The following ARSG variants were observed in gnomAD, a reference collection of about 807,000 sequenced individuals.
ARSG encodes the protein ASG.
ARSG carries 37 observed loss-of-function variants against 50.5 expected under a neutral mutation model. The observed-to-expected ratio is 0.73, with a 90% CI of 0.56 to 0.96. ARSG has a LOEUF of 0.96. Ranked by LOEUF, ARSG falls within the 50% of genes least tolerant of loss-of-function variation. The probability of loss-of-function intolerance (pLI) is 0.00; values close to 1 mark genes in which losing one functional copy is unlikely to be tolerated. For synonymous variants in ARSG, 225 were observed against 254.6 expected (o/e 0.88, Z 1.11); for missense variants, 629 against 675.3 (o/e 0.93, Z 0.76).
chr17:68,415,335 G>T (rs1054286397), intron 11 of ARSG, among the ~76,000 whole-genome samples: 6 of 152,132 alleles, frequency 3.9e-5, no homozygotes, highest in African/African-American at 7.2e-5. Flanking sequence ...GGTTCTGAAG[G>T]TTCCTTTGGA....
intron 5 of ARSG, among the ~76,000 whole-genome samples, chr17:68,354,039 T>TTTTA (rs1555779991): frequency 1.4e-5 from 2 of 144,526 alleles, no homozygotes; most frequent in African/African-American, 5.1e-5. Context: ...TTTTTTTTTT[T>TTTTA]ATTTCAATCC....
intron 1 of ARSG, among the ~76,000 whole-genome samples, chr17:68,275,059 C>T (rs1026203175): frequency 2.0e-5 from 3 of 152,272 alleles, no homozygotes; most frequent in Middle Eastern, 3.4e-3. Context: ...GGATTACAGG[C>T]GTGAGCCACC....
intron 2 of ARSG, among the ~76,000 whole-genome samples, chr17:68,309,282 C>T (rs1013843570): frequency 2.0e-5 from 3 of 152,256 alleles, no homozygotes; most frequent in Admixed American, 6.5e-5. Flanking sequence ...AGTTCCCGCT[C>T]GCGCCTCTCC....
intron 2 of ARSG, among the ~76,000 whole-genome samples, chr17:68,324,490 C>T (rs554989648): frequency 2.6e-5 from 4 of 152,164 alleles, no homozygotes; most frequent in African/African-American, 7.2e-5. Context: ...CCTTCCCTCG[C>T]GTGGCTGTAG....
At chr17:68,284,583 A>G (rs1363333984) in intron 1 of ARSG, among the ~76,000 whole-genome samples, 1 of 152,184 alleles carries the variant, frequency 6.6e-6, no homozygotes, top group Non-Finnish European at 1.5e-5. Context: ...GAAAAATAAC[A>G]GGACACAACC....
chr17:68,281,788 A>G (rs2075703998), intron 1 of ARSG, among the ~76,000 whole-genome samples: 1 of 152,204 alleles, frequency 6.6e-6, no homozygotes, highest in South Asian at 2.1e-4. Flanking sequence ...GGATGCGGAG[A>G]AAAGAACTCT....
intron 10 of ARSG, among the ~76,000 whole-genome samples, chr17:68,396,506 A>G (rs1008749047): frequency 1.3e-5 from 2 of 152,188 alleles, no homozygotes; most frequent in African/African-American, 4.8e-5. Flanking sequence ...AAGAGGAAGC[A>G]GGAGGAGGCA....
chr17:68,394,313 G>A (rs954706573), intron 9 of ARSG, among the ~76,000 whole-genome samples: 17 of 152,092 alleles, frequency 1.1e-4, no homozygotes, highest in African/African-American at 1.7e-4. Flanking sequence ...GAACAGAAAC[G>A]TGTTCTGATC....
chr17:68,329,442 G>A (rs1419420143), intron 2 of ARSG, among the ~76,000 whole-genome samples: 1 of 152,208 alleles, frequency 6.6e-6, no homozygotes, highest in East Asian at 1.9e-4. Context: ...ACATTGTGCT[G>A]TAAGGGGACT....
chr17:68,341,124 T>G (rs1488965929), intron 2 of ARSG, among the ~76,000 whole-genome samples: 3 of 152,210 alleles, frequency 2.0e-5, no homozygotes, highest in Admixed American at 2.0e-4. Flanking sequence ...TCTTTGTCCT[T>G]AGATTATATC....
chr17:68,304,258 T>C (rs531816554), intron 1 of ARSG, among the ~76,000 whole-genome samples: 9 of 152,348 alleles, frequency 5.9e-5, no homozygotes, highest in African/African-American at 1.2e-4. Context: ...CACAGGTGTT[T>C]GTTAACCACC....
chr17:68,286,232 T>G (rs1441641392), intron 1 of ARSG, among the ~76,000 whole-genome samples: 1 of 152,194 alleles, frequency 6.6e-6, no homozygotes, highest in Non-Finnish European at 1.5e-5. Flanking sequence ...CTTTCCTCTC[T>G]TCCCTTGCCT....
At position 68,378,048 on chromosome 17, in the gene ARSG, T is replaced by C. The variant is rs2080238677; in HGVS notation, c.983-7016T>C. Reference sequence around the variant, plus strand: ...AACTAACTATTCCACAGCCTCCTTCTTCCTCTCTGCCTGGAATGCTGCTGG... The same window carrying C: ...AACTAACTATTCCACAGCCTCCTTCCTCCTCTCTGCCTGGAATGCTGCTGG... On this transcript the variant is annotated intron_variant, in intron 8 of 11. Coordinates refer to ENST00000621439, the MANE Select transcript of ARSG (RefSeq NM_001267727.2). The surrounding 1 kb of genome is among the most constrained non-coding windows in gnomAD (Gnocchi z 4.4). Among the ~76,000 whole-genome samples, 1 of 152,204 alleles carries C rather than the reference T, an allele frequency of 6.6e-6. No individual in the cohort carries two copies. The highest frequency in any genetic ancestry group is 1.5e-5 in the Non-Finnish European group (1 of 68,024).
chr17:68,307,332 G>A lies in ARSG; in HGVS notation c.-162G>A, dbSNP rs375886636. ...TACAGCCCCCAACATTCCTATAGCC[G>A]TTATCACTGCCATCACCACTGCCAC... On this transcript the variant is annotated 5_prime_UTR_variant, in exon 2 of 12. Coordinates refer to ENST00000621439, the MANE Select transcript of ARSG (RefSeq NM_001267727.2). The A allele has an allele frequency of 3.0e-4, 188 of 616,770 alleles. 2 individuals are homozygous for A. In the South Asian group the frequency reaches 3.5e-3, roughly 11 times the overall value. The allele number at this position is 616,770 out of a possible 1,614,324, so 38.2% of individuals were successfully genotyped here.
In ARSG at chr17:68,278,204, G is replaced by A. The variant is rs141096283; in HGVS notation, c.-552+18778G>A. 577 of 1,614,070 alleles carry A rather than the reference G, an allele frequency of 3.6e-4. 2 individuals are homozygous for A. Among genetic ancestry groups the A allele is most frequent in the Admixed American group, 3.8e-4 (23 of 60,016 alleles). On this transcript the variant is annotated intron_variant, in intron 1 of 11. Coordinates refer to the ARSG transcript ENST00000448504. Reference sequence around the variant, plus strand: ...AGACACCAAATGTCTTGATGATGCCGTAGGTGAAGACTTCAACGAAGAAAA... The same window carrying A: ...AGACACCAAATGTCTTGATGATGCCATAGGTGAAGACTTCAACGAAGAAAA...
chr17:68,429,897 G>A, the ARSG span: 20 of 1,569,806 alleles, frequency 1.3e-5, no homozygotes, highest in Non-Finnish European at 1.7e-5. Context: ...CCTGGGGCAA[G>A]TTTTCTTTTT....
chr17:68,436,335 A>C, the ARSG span: 1 of 1,564,424 alleles, frequency 6.4e-7, no homozygotes, highest in African/African-American at 1.4e-5. Flanking sequence ...CCATGACCAC[A>C]CAGCCAAGGC....
intron 2 of ARSG, among the ~76,000 whole-genome samples, chr17:68,309,291 C>T (rs2076748401): frequency 2.6e-5 from 4 of 152,236 alleles, no homozygotes; most frequent in Admixed American, 2.6e-4. Context: ...TCGCGCCTCT[C>T]CCTCCACACC....
In ARSG at chr17:68,368,695, G is replaced by A; in HGVS notation, c.852G>A (p.Lys284=). The change falls in exon 7 of 12, where the codon AAG becomes AAA. Residue 284 remains lysine, a synonymous_variant. Coordinates refer to ENST00000621439, the MANE Select transcript of ARSG (RefSeq NM_001267727.2). ...TGGACAGTCTGGTGGGCCAGATCAA[G>A]GACAAAGTTGACCACACAGTGAAGG... ...WEMDSLVGQI[K]DKVDHTVKEN... The A allele has an allele frequency of 6.2e-7, 1 of 1,613,970 alleles. No homozygotes were observed. Among genetic ancestry groups the A allele is most frequent in the Non-Finnish European group, 8.5e-7 (1 of 1,179,964 alleles).
Sources: gnomAD v4.1 joint callset for allele counts (sites outside exome capture counted in the v4.1 genomes callset) on GRCh38, gnomAD v4.1.1 for gene constraint, Gnocchi (gnomAD v3.1) non-coding constraint, MANE v1.5 for transcripts, NCBI Gene and HGNC (gene_info 2026-07-23, HGNC 2026-07-21) for gene names.